The following RAD54L2 variants were observed in gnomAD, a reference collection of about 807,000 sequenced individuals.
The protein encoded by RAD54L2 is RAD54 like 2.
A neutral mutation model predicts 138.4 loss-of-function variants in RAD54L2; 27 were observed. The observed-to-expected ratio is 0.20, with a 90% CI of 0.14 to 0.27. The LOEUF (loss-of-function observed/expected upper bound fraction) is 0.27, where lower values mean the gene tolerates loss of function less well. Ranked by LOEUF, RAD54L2 falls within the 10% of genes least tolerant of loss-of-function variation. RAD54L2 has a pLI of 1.00. For missense variants in RAD54L2, 1,396 were observed against 1,890.2 expected (o/e 0.74, Z 4.85); for synonymous variants, 644 against 723.2 (o/e 0.89, Z 1.76).
chr3:51,600,730 G>A (rs1016268513), intron 3 of RAD54L2, among the ~76,000 whole-genome samples: 2 of 152,292 alleles, frequency 1.3e-5, no homozygotes, highest in East Asian at 3.9e-4. Flanking sequence ...ACTTTGGGAG[G>A]CCAAGGCGCA....
At chr3:51,655,735 A>G (rs768024398) in intron 19 of RAD54L2, among the ~76,000 whole-genome samples, 6 of 152,200 alleles carry the variant, frequency 3.9e-5, no homozygotes, top group Non-Finnish European at 7.3e-5. Flanking sequence ...TTATTCCACC[A>G]ACATCTGATT....
intron 21 of RAD54L2, among the ~76,000 whole-genome samples, chr3:51,658,996 TAC>T (rs1416975429): frequency 6.6e-6 from 1 of 151,932 alleles, no homozygotes; most frequent in African/African-American, 2.4e-5. Flanking sequence ...TTTTTTGGAG[TAC>T]AGTCATGCCA....
chr3:51,571,478 G>A (rs548507040), intron 2 of RAD54L2, among the ~76,000 whole-genome samples: 23 of 147,590 alleles, frequency 1.6e-4, no homozygotes, highest in Non-Finnish European at 2.8e-4. Context: ...TATAACCTTC[G>A]CCTCCCGGGT....
chr3:51,644,077 A>C, intron 16 of RAD54L2, 103 bp downstream of exon 16: 49 of 880,662 alleles, frequency 5.6e-5, no homozygotes, highest in Non-Finnish European at 7.3e-5. Flanking sequence ...AGATCAGCTC[A>C]GGTTTGTAAC....
chr3:51,591,418 A>G (rs1396701618), intron 3 of RAD54L2, among the ~76,000 whole-genome samples: 1 of 152,202 alleles, frequency 6.6e-6, no homozygotes, highest in African/African-American at 2.4e-5. Flanking sequence ...GAAGGAACGT[A>G]GGAAAATGTA....
rs1218040805 is a variant in RAD54L2, at chr3:51,667,089, C to T, written c.*3669C>T. ...TGGCATTGCTCTGAAATTGAGTCCTCATCCCATGGGGAAGGTCTTCTGGGG... is the reference window on the plus strand; with the variant it reads ...TGGCATTGCTCTGAAATTGAGTCCTTATCCCATGGGGAAGGTCTTCTGGGG... On this transcript the variant is annotated 3_prime_UTR_variant, in exon 23 of 23. Coordinates refer to ENST00000684192, the MANE Select transcript of RAD54L2 (RefSeq NM_015106.4). 6.6e-6 allele frequency: 1 copy of T among 152,200 alleles called. No homozygotes were observed. The highest frequency in any genetic ancestry group is 6.5e-5 in the Admixed American group (1 of 15,276). The allele number at this position is 152,200 out of a possible 1,614,324, so 9.4% of individuals were successfully genotyped here.
In RAD54L2 at chr3:51,630,283, T is replaced by A. The variant is rs1700804394; in HGVS notation, c.493T>A (p.Leu165Ile). The part of the protein sequence containing the change: ...PLEFLPEEIA[L>I]RASDGPQLPP... Reference sequence around the variant, plus strand: ...TTTGCTTTTCCTAGAGGAAATTGCTTTAAGGGCAAGTGACGGTCCCCAACT... The same window carrying A: ...TTTGCTTTTCCTAGAGGAAATTGCTATAAGGGCAAGTGACGGTCCCCAACT... Residue 165 changes from leucine to isoleucine, a missense_variant, in exon 6 of 23, where the codon TTA becomes ATA. Transcript: ENST00000684192. 1 of 1,613,814 alleles carries A rather than the reference T, an allele frequency of 6.2e-7. No homozygotes were observed.
At chr3:51,584,146 G>A (rs1196778153) in intron 2 of RAD54L2, among the ~76,000 whole-genome samples, 1 of 152,110 alleles carries the variant, frequency 6.6e-6, no homozygotes, top group Admixed American at 6.6e-5. Flanking sequence ...GCTGGAATTA[G>A]GTTTCTTGAC....
Position 51,586,186 on chromosome 3 carries a change from C to G in RAD54L2, c.-54-4181C>G, listed in dbSNP as rs1474902034. On this transcript the variant is annotated intron_variant, in intron 2 of 22. Coordinates refer to ENST00000684192, the MANE Select transcript of RAD54L2 (RefSeq NM_015106.4). ...GACTGCTGCTGCCCACCAAGACCAG[C>G]CTTTCCTCCTTTTCACTTGTTGCCT... Among the ~76,000 whole-genome samples, 5 of 152,094 alleles carry G rather than the reference C, an allele frequency of 3.3e-5. 1 individual carries two copies. The South Asian group carries it at 8.3e-4, about 25-fold the overall frequency.
rs1441223626 is a variant in RAD54L2 at position 51,662,855 on chromosome 3, C to T, written c.3839C>T (p.Pro1280Leu). 1 of 1,613,486 alleles carries T rather than the reference C, an allele frequency of 6.2e-7. No individual in the cohort carries two copies. Among genetic ancestry groups the T allele is most frequent in the Admixed American group, 1.7e-5 (1 of 59,968 alleles). ...RRSRKGHLPA[P>L]VQPYEHGYPV... Reference sequence around the variant, plus strand: ...TCCAGGAAGGGTCATCTGCCAGCCCCCGTGCAGCCGTATGAACACGGGTAT... The same window carrying T: ...TCCAGGAAGGGTCATCTGCCAGCCCTCGTGCAGCCGTATGAACACGGGTAT... The change falls in exon 23 of 23, where the codon CCC (proline) becomes CTC (leucine). Residue 1280 changes from proline (P) to leucine (L), a missense_variant. Physicochemically the swap from Pro to Leu is moderately conservative, Grantham distance 98 (BLOSUM62 -3). Around this residue, in one of 7 missense-constraint regions of RAD54L2, gnomAD observed 634 missense variants for 711.2 expected, o/e 0.89. Transcript: ENST00000684192. The surrounding 1 kb of genome is among the most constrained non-coding windows in gnomAD (Gnocchi z 4.6).
At chr3:51,564,249 T>C (rs1699163182) in intron 2 of RAD54L2, among the ~76,000 whole-genome samples, 1 of 152,252 alleles carries the variant, frequency 6.6e-6, no homozygotes, top group South Asian at 2.1e-4. Flanking sequence ...TGCTTCACTT[T>C]GGGCCACAGA....
At chr3:51,631,006 T>C in intron 7 of RAD54L2, 75 bp downstream of exon 7, 2 of 1,413,498 alleles carry the variant, frequency 1.4e-6, no homozygotes, top group Non-Finnish European at 2.0e-6. Context: ...TGGTGGTTAT[T>C]AGCGTCACAG....
chr3:51,660,012 G>T lies in RAD54L2; in HGVS notation c.3317-14G>T, dbSNP rs201797103. The stretch of plus-strand genomic sequence containing the variant: ...ATGTCTGCCTCTAACTGTCTTCTTC[G>T]TGTCTATTCTTAGGGACGTACATCC... On this transcript the variant is annotated splice_polypyrimidine_tract_variant and intron_variant, in intron 21 of 22. Transcript: ENST00000684192. 3 of 1,561,196 alleles carry T rather than the reference G, an allele frequency of 1.9e-6. No homozygotes were observed. The highest frequency in any genetic ancestry group is 2.3e-5 in the East Asian group (1 of 43,668).
chr3:51,541,870 A>G (rs1698562719), intron 2 of RAD54L2: 1 of 152,240 alleles, frequency 6.6e-6, no homozygotes. Context: ...TCTTCAAAAT[A>G]GCTCTCATTT....
rs544529112 is a variant in RAD54L2, at chr3:51,556,612, T to C, written c.-55+14962T>C. ...TTTTTTTGAGACAGAGTTTCGCTCTTGTTGCCCAGGCTAGAGTGCAGTGGC... is the reference window on the plus strand; with the variant it reads ...TTTTTTTGAGACAGAGTTTCGCTCTCGTTGCCCAGGCTAGAGTGCAGTGGC... On this transcript the variant is annotated intron_variant, in intron 2 of 22. Coordinates refer to ENST00000684192, the MANE Select transcript of RAD54L2 (RefSeq NM_015106.4). 5.9e-5 allele frequency among the ~76,000 whole-genome samples: 9 copies of C among 152,208 alleles called. No homozygotes were observed. The South Asian group carries it at 1.5e-3, about 25-fold the overall frequency.
rs1428620578 is a variant in RAD54L2 at position 51,625,862 on chromosome 3, T to A, written c.140-1691T>A. 6.6e-5 allele frequency among the ~76,000 whole-genome samples: 10 copies of A among 151,232 alleles called. No homozygotes were observed. The East Asian group carries it at 1.7e-3, about 26-fold the overall frequency. ...GGGCATCAGAGCAAGACCCTATCTC[T>A]TACAAAAAAAAAATAGTGTTAAAGG... On this transcript the variant is annotated intron_variant, in intron 3 of 22. Transcript: ENST00000684192.
At chr3:51,642,742 G>T (rs915643209) in intron 15 of RAD54L2, among the ~76,000 whole-genome samples, 1 of 152,102 alleles carries the variant, frequency 6.6e-6, no homozygotes, top group African/African-American at 2.4e-5. Context: ...CCTAATAGAA[G>T]GATTTAGAGA....
intron 2 of RAD54L2, among the ~76,000 whole-genome samples, chr3:51,542,325 T>G (rs940756702): frequency 5.3e-5 from 8 of 152,148 alleles, no homozygotes; most frequent in African/African-American, 1.9e-4. Context: ...CTCAGTAGTA[T>G]TAATAGTAGG....
At chr3:51,586,061 AGCTGACTACTGAATCAAG>A (rs1699701248) in intron 2 of RAD54L2, among the ~76,000 whole-genome samples, 1 of 151,848 alleles carries the variant, frequency 6.6e-6, no homozygotes, top group Admixed American at 6.6e-5. Flanking sequence ...TTCTGCTAAG[AGCTGACTACTGAATCAAG>A]GCTGCCTTGT....
Sources: allele counts gnomAD v4.1 joint callset (sites outside exome capture counted in the v4.1 genomes callset), GRCh38; gene constraint gnomAD v4.1.1; regional missense constraint gnomAD v4.1.1; non-coding constraint Gnocchi (gnomAD v3.1); transcripts MANE v1.5; gene names NCBI Gene and HGNC (gene_info 2026-07-23, HGNC 2026-07-21).